The following CEP83 variants were observed in gnomAD, a reference collection of about 807,000 sequenced individuals.
The protein encoded by CEP83 is centrosomal protein of 83 kDa.
A neutral mutation model predicts 101.9 loss-of-function variants in CEP83; 70 were observed. The observed-to-expected ratio is 0.69, with a 90% CI of 0.57 to 0.84. The LOEUF (loss-of-function observed/expected upper bound fraction) is 0.84, where lower values mean the gene tolerates loss of function less well. Ranked by LOEUF, CEP83 falls within the 40% of genes least tolerant of loss-of-function variation. The pLI, the probability that CEP83 is intolerant of heterozygous loss-of-function variation, is 0.00. For missense variants in CEP83, 715 were observed against 787.2 expected (o/e 0.91, Z 1.10); for synonymous variants, 264 against 267.9 (o/e 0.99, Z 0.14).
chr12:94,433,935 C>T (rs1417164412), intron 2 of CEP83: 2 of 152,216 alleles, frequency 1.3e-5, no homozygotes, highest in Non-Finnish European at 2.9e-5. Flanking sequence ...ATCCTGTACA[C>T]TGACCTTTGG....
At chr12:94,289,468 A>C in the CEP83 span, among the ~76,000 whole-genome samples, 2 of 152,232 alleles carry the variant, frequency 1.3e-5, no homozygotes, top group African/African-American at 4.8e-5. Context: ...ATCCTGCTGC[A>C]GATCCATCTA....
At chr12:94,381,547 C>A (rs1177099637) in intron 6 of CEP83, among the ~76,000 whole-genome samples, 2 of 152,146 alleles carry the variant, frequency 1.3e-5, no homozygotes, top group South Asian at 2.1e-4. Flanking sequence ...CTTCAATTCC[C>A]CAAGGCACAC....
rs370223676 is a variant in CEP83 at position 94,459,864 on chromosome 12, G to T, written c.-462C>A. ...CCTCCGCGTGGACCGGGATCCTCAG[G>T]GGTGCGGCGCCACCCCACGTGCTGA... is the stretch of plus-strand genomic sequence containing the variant. On this transcript the variant is annotated 5_prime_UTR_variant, in exon 1 of 17. Transcript: ENST00000397809. 136 of 153,550 alleles carry T rather than the reference G, an allele frequency of 8.9e-4. 1 individual carries two copies. Among genetic ancestry groups the T allele is most frequent in the East Asian group, 4.0e-3 (21 of 5,196 alleles). The allele number at this position is 153,550 out of a possible 1,614,324, so 9.5% of individuals were successfully genotyped here.
chr12:94,280,017 A>G, the CEP83 span: 1 of 373,468 alleles, frequency 2.7e-6, no homozygotes, highest in South Asian at 2.1e-5. Flanking sequence ...TCACATTGGC[A>G]TTTGATTTGT....
the CEP83 span, among the ~76,000 whole-genome samples, chr12:94,270,091 T>C: frequency 1.3e-5 from 2 of 152,256 alleles, no homozygotes; most frequent in Non-Finnish European, 2.9e-5. Flanking sequence ...TCATTATTTA[T>C]ATTTGTACCC....
intron 1 of CEP83, among the ~76,000 whole-genome samples, chr12:94,441,519 T>C (rs367671194): frequency 6.6e-6 from 1 of 152,036 alleles, no homozygotes; most frequent in Non-Finnish European, 1.5e-5. Flanking sequence ...CAAAAAATAA[T>C]AGATGGTGAC....
intron 14 of CEP83, among the ~76,000 whole-genome samples, chr12:94,330,466 TA>T (rs2059153267): frequency 6.6e-6 from 1 of 152,176 alleles, no homozygotes; most frequent in South Asian, 2.1e-4. Flanking sequence ...TCCATCTAGA[TA>T]CATTATTTCC....
In CEP83 at chr12:94,343,335, AC is replaced by A. The variant is rs2059776303; in HGVS notation, c.1344-7672del. On this transcript the variant is annotated intron_variant, in intron 11 of 16. Transcript: ENST00000397809. ...GAGACTGTCGCCTTAAATTTTTTGC[AC>A]CCTGGGTGCCTCAATTGCTTTACCC... Among the ~76,000 whole-genome samples the A allele has an allele frequency of 3.3e-5, 5 of 152,088 alleles. 1 individual carries two copies. The highest frequency in any genetic ancestry group is 1.2e-4 in the African/African-American group (5 of 41,500).
At chr12:94,356,430 C>A (rs909800566) in intron 11 of CEP83, among the ~76,000 whole-genome samples, 4 of 152,186 alleles carry the variant, frequency 2.6e-5, no homozygotes, top group South Asian at 2.1e-4. Context: ...CCCCCCAGAT[C>A]TTTCTTTTCC....
At chr12:94,343,081 ATGTATGTCTGTGTG>A (rs2059758160) in intron 11 of CEP83, among the ~76,000 whole-genome samples, 1 of 151,786 alleles carries the variant, frequency 6.6e-6, no homozygotes, top group Non-Finnish European at 1.5e-5. Flanking sequence ...ATATGTGTGT[ATGTATGTCTGTGTG>A]TGTATGTATA....
intron 11 of CEP83, among the ~76,000 whole-genome samples, chr12:94,352,229 G>A (rs147534514): frequency 0.023 from 3,507 of 152,082 alleles, 142 homozygotes; most frequent in African/African-American, 0.081. Flanking sequence ...GAACAGCCTG[G>A]CCAACATACT....
chr12:94,357,247 T>C (rs1038139761), intron 11 of CEP83, among the ~76,000 whole-genome samples: 1 of 152,124 alleles, frequency 6.6e-6, no homozygotes, highest in African/African-American at 2.4e-5. Flanking sequence ...GTAATCTGCA[T>C]AAAGCTACCT....
intron 14 of CEP83, among the ~76,000 whole-genome samples, chr12:94,330,852 A>G (rs1295746868): frequency 6.6e-6 from 1 of 152,240 alleles, no homozygotes; most frequent in Non-Finnish European, 1.5e-5. Context: ...ACTGACTTAC[A>G]TACAAAATTT....
intron 6 of CEP83, among the ~76,000 whole-genome samples, chr12:94,395,653 C>T (rs899674602): frequency 6.6e-6 from 1 of 152,126 alleles, no homozygotes; most frequent in African/African-American, 2.4e-5. Flanking sequence ...GAAACCCCGT[C>T]TCTACTAAAA....
chr12:94,400,788 A>G (rs1165394349), intron 6 of CEP83, 62 bp downstream of exon 6: 2 of 1,028,306 alleles, frequency 1.9e-6, no homozygotes, highest in Non-Finnish European at 2.5e-6. Flanking sequence ...TTAAAAATAT[A>G]TAATTATAAA....
intron 6 of CEP83, among the ~76,000 whole-genome samples, chr12:94,396,924 T>A (rs1329009430): frequency 6.6e-6 from 1 of 152,192 alleles, no homozygotes; most frequent in African/African-American, 2.4e-5. Flanking sequence ...CAAACTAAAT[T>A]TGTTGTTTCT....
chr12:94,382,774 T>G (rs369639062), intron 6 of CEP83, among the ~76,000 whole-genome samples: 4 of 152,036 alleles, frequency 2.6e-5, no homozygotes, highest in South Asian at 4.1e-4. Flanking sequence ...GGATATGGTC[T>G]ATCTTGTATA....
chr12:94,399,298 CTTTA>C (rs2063106185), intron 6 of CEP83, among the ~76,000 whole-genome samples: 1 of 152,184 alleles, frequency 6.6e-6, no homozygotes. Flanking sequence ...TCTTTGTACT[CTTTA>C]TTTCTCAGCC....
At position 94,346,706 on chromosome 12, in the gene CEP83, A is replaced by C. The variant is rs117120193; in HGVS notation, c.1344-11042T>G. Among the ~76,000 whole-genome samples the C allele has an allele frequency of 8.1e-4, 123 of 152,292 alleles. 1 individual carries two copies. In the East Asian group the frequency reaches 0.022, roughly 27 times the overall value. On this transcript the variant is annotated intron_variant, in intron 11 of 16. Transcript: ENST00000397809. ...AGCAGTAGAATCAAATTAGATTAGA[A>C]GATGTCAGACTGCTGTCCACTGCAG...
Sources: allele counts gnomAD v4.1 joint callset (sites outside exome capture counted in the v4.1 genomes callset), GRCh38; gene constraint gnomAD v4.1.1; transcripts MANE v1.5; gene names NCBI Gene and HGNC (gene_info 2026-07-23, HGNC 2026-07-21).